The following SYNE1 variants were observed in gnomAD, a reference collection of about 807,000 sequenced individuals.
SYNE1 encodes spectrin repeat containing nuclear envelope protein 1.
A neutral mutation model predicts 1,111.0 loss-of-function variants in SYNE1; 616 were observed. That is an observed-to-expected ratio of 0.55 (90% CI 0.52 to 0.59). The LOEUF is 0.59. Among genes scored for constraint, SYNE1 ranks in the 20% least tolerant of loss-of-function variants. SYNE1 has a pLI of 0.00. For synonymous variants in SYNE1, 3,855 were observed against 3,825.8 expected (o/e 1.01, Z -0.28); for missense variants, 10,006 against 10,417.0 (o/e 0.96, Z 1.72).
chr6:152,167,595 G>T (rs2063935339), intron 130 of SYNE1: 1 of 381,388 alleles, frequency 2.6e-6, no homozygotes, highest in Admixed American at 3.5e-5. Flanking sequence ...TTCATATTAG[G>T]GACTAAAACT....
At chr6:152,284,485 G>C (rs908256159) in intron 95 of SYNE1, among the ~76,000 whole-genome samples, 2 of 151,894 alleles carry the variant, frequency 1.3e-5, no homozygotes, top group African/African-American at 4.8e-5. Context: ...TAGAGACAGA[G>C]TCTCACTCTG....
At chr6:152,600,712 T>C (rs2099594077) in intron 3 of SYNE1, among the ~76,000 whole-genome samples, 1 of 152,198 alleles carries the variant, frequency 6.6e-6, no homozygotes, top group African/African-American at 2.4e-5. Flanking sequence ...AAATTTTCCT[T>C]GATGTTCAGA....
chr6:152,421,243 AATT>A (rs1370162491), intron 39 of SYNE1, among the ~76,000 whole-genome samples: 3 of 152,200 alleles, frequency 2.0e-5, no homozygotes, highest in Non-Finnish European at 2.9e-5. Flanking sequence ...GAATTCACCC[AATT>A]CATACAGATT....
At chr6:152,229,447 A>G (rs1300944692) in intron 115 of SYNE1, among the ~76,000 whole-genome samples, 1 of 152,218 alleles carries the variant, frequency 6.6e-6, no homozygotes, top group Non-Finnish European at 1.5e-5. Flanking sequence ...CATCCCTCAG[A>G]GTAGAACAAG....
chr6:152,154,151 T>C (rs1051967586), intron 133 of SYNE1, among the ~76,000 whole-genome samples: 1 of 152,076 alleles, frequency 6.6e-6, no homozygotes, highest in Non-Finnish European at 1.5e-5. Flanking sequence ...TTAAAAATGG[T>C]CAATTTTGGG....
intron 64 of SYNE1, among the ~76,000 whole-genome samples, chr6:152,361,829 A>T (rs1432759393): frequency 6.9e-6 from 1 of 143,940 alleles, no homozygotes; most frequent in Non-Finnish European, 1.5e-5. Flanking sequence ...ACAAAAGATA[A>T]CACAAAGGGA....
At chr6:152,516,267 G>A (rs1486315838) in intron 6 of SYNE1, among the ~76,000 whole-genome samples, 1 of 152,120 alleles carries the variant, frequency 6.6e-6, no homozygotes, top group Admixed American at 6.5e-5. Context: ...TAAGAGACTT[G>A]TGGGGAAAAA....
chr6:152,598,380 G>A (rs531206847), intron 3 of SYNE1, among the ~76,000 whole-genome samples: 8 of 152,238 alleles, frequency 5.3e-5, no homozygotes, highest in South Asian at 2.1e-4. Flanking sequence ...CTGTGAGCCC[G>A]TTAAACCTCT....
intron 104 of SYNE1, among the ~76,000 whole-genome samples, chr6:152,252,222 A>C (rs947399541): frequency 6.6e-6 from 1 of 152,140 alleles, no homozygotes; most frequent in Non-Finnish European, 1.5e-5. Flanking sequence ...CAGTGAGCTG[A>C]GATCTCCCCA....
intron 120 of SYNE1, 125 bp downstream of exon 120, chr6:152,218,878 A>T: frequency 9.8e-7 from 1 of 1,018,070 alleles, no homozygotes; most frequent in Non-Finnish European, 1.5e-6. Context: ...AAGTTTGTTT[A>T]CTTGCTATTT....
intron 8 of SYNE1, among the ~76,000 whole-genome samples, chr6:152,509,201 C>T (rs1405908866): frequency 6.6e-6 from 1 of 151,238 alleles, no homozygotes; most frequent in African/African-American, 2.4e-5. Context: ...ATTGAAATTG[C>T]TATGAGAAAG....
chr6:152,171,227 C>T (rs887436508), intron 130 of SYNE1, among the ~76,000 whole-genome samples: 4 of 152,158 alleles, frequency 2.6e-5, no homozygotes, highest in East Asian at 3.9e-4. Flanking sequence ...ATGTGGTAAC[C>T]GAGGTGCTGA....
At chr6:152,382,147 T>C (rs1591570588) in intron 55 of SYNE1, among the ~76,000 whole-genome samples, 1 of 152,248 alleles carries the variant, frequency 6.6e-6, no homozygotes, top group Non-Finnish European at 1.5e-5. Flanking sequence ...TTTCTGAGAA[T>C]AGATTCTCTT....
At position 152,176,476 on chromosome 6, in the gene SYNE1, C is replaced by T. The variant is rs746071553; in HGVS notation, c.23545G>A (p.Glu7849Lys). 1.2e-6 allele frequency: 2 copies of T among 1,612,980 alleles called. No homozygotes were observed. The highest frequency in any genetic ancestry group is 2.7e-5 in the African/African-American group (2 of 74,866). ...MGERLAKASH[E>K]SKASEIEYKL... Reference sequence around the variant, plus strand: ...TATTCAATCTCAGATGCTTTGCTTTCATGGCTGGCTTTAGCAAGTCGTTCT... The same window carrying T: ...TATTCAATCTCAGATGCTTTGCTTTTATGGCTGGCTTTAGCAAGTCGTTCT... Residue 7849 changes from glutamate (E) to lysine (K), a missense_variant, in exon 130 of 146, where the codon GAA becomes AAA. Glu to Lys is a moderately conservative substitution (Grantham distance 56, BLOSUM62 1). Transcript: ENST00000367255.
Position 152,152,059 on chromosome 6 carries a change from C to T in SYNE1, c.24212G>A (p.Arg8071His), listed in dbSNP as rs1338634888. The T allele has an allele frequency of 8.1e-6, 13 of 1,614,066 alleles. No homozygotes were observed. Among genetic ancestry groups the T allele is most frequent in the African/African-American group, 2.7e-5 (2 of 74,932 alleles). ...TTTGAGGCTACATGCTGAATCAGTGCGGTTCTCCCTGGCCAGGCGGCGGTA... is the reference window on the plus strand; with the variant it reads ...TTTGAGGCTACATGCTGAATCAGTGTGGTTCTCCCTGGCCAGGCGGCGGTA... ...KQYRRLAREN[R>H]TDSACSLKQM... Residue 8071 changes from arginine (R) to histidine (H), a missense_variant, in exon 134 of 146, where the codon CGC becomes CAC. By Grantham distance (29) the Arg-to-His change is conservative. Around this residue, in one of 7 missense-constraint regions of SYNE1, gnomAD observed 2,182 missense variants for 2,287.8 expected, o/e 0.95. Coordinates refer to ENST00000367255, the MANE Select transcript of SYNE1 (RefSeq NM_182961.4).
intron 2 of SYNE1, among the ~76,000 whole-genome samples, chr6:152,633,165 A>T (rs2099700755): frequency 6.6e-6 from 1 of 152,210 alleles, no homozygotes; most frequent in South Asian, 2.1e-4. Flanking sequence ...GGGAGCACGA[A>T]GGAGAGGGAA....
intron 130 of SYNE1, 141 bp from the exon 131 acceptor site, chr6:152,164,466 A>G (rs2153028683): frequency 2.1e-6 from 2 of 960,952 alleles, no homozygotes; most frequent in East Asian, 2.6e-5. Flanking sequence ...AAGACAGAAG[A>G]CAAAGGAGGA....
At chr6:152,607,872 T>G (rs2099620348) in intron 3 of SYNE1, among the ~76,000 whole-genome samples, 1 of 152,222 alleles carries the variant, frequency 6.6e-6, no homozygotes, top group Admixed American at 6.5e-5. Flanking sequence ...AATGAGATCA[T>G]GTCCTTTGCA....
chr6:152,233,742 T>G (rs1402505492), intron 112 of SYNE1, 39 bp downstream of exon 112: 1 of 1,607,226 alleles, frequency 6.2e-7, no homozygotes, highest in African/African-American at 1.3e-5. Context: ...TCAAATAGCT[T>G]AAGTCAGCTA....
Sources: gnomAD v4.1 joint callset for allele counts (sites outside exome capture counted in the v4.1 genomes callset) on GRCh38, gnomAD v4.1.1 for gene constraint, gnomAD v4.1.1 regional missense constraint, MANE v1.5 for transcripts, NCBI Gene and HGNC (gene_info 2026-07-23, HGNC 2026-07-21) for gene names.